Variants in DOK4 observed in about 807,000 individuals in gnomAD.
DOK4 encodes the protein downstream of tyrosine kinase 4.
Under a neutral mutation model 40.1 loss-of-function variants are expected in DOK4, and 26 were observed. The observed-to-expected ratio is 0.65, with a 90% CI of 0.48 to 0.90. DOK4 has a LOEUF of 0.90. DOK4 is among the 40% of genes least tolerant of loss of function. DOK4 has a pLI of 0.00. For missense variants in DOK4, 392 were observed against 437.2 expected (o/e 0.90, Z 0.92); for synonymous variants, 179 against 177.0 (o/e 1.01, Z -0.09).
chr16:57,477,311 T>C (rs748386935), intron 2 of DOK4, among the ~76,000 whole-genome samples: 11 of 152,210 alleles, frequency 7.2e-5, no homozygotes, highest in Non-Finnish European at 1.2e-4. Flanking sequence ...CCCCTGACCC[T>C]GGCTTGGCCC....
At chr16:57,474,037 A>G in exon 7 of DOK4, 2 of 1,614,004 alleles carry the variant, frequency 1.2e-6, no homozygotes, top group Non-Finnish European at 1.7e-6. Flanking sequence ...AGCATCACAC[A>G]TCCTGGGGAC....
chr16:57,481,284 C>A (rs1036885717), intron 1 of DOK4, among the ~76,000 whole-genome samples: 3 of 152,192 alleles, frequency 2.0e-5, no homozygotes, highest in Non-Finnish European at 4.4e-5. Context: ...GACGGTAATG[C>A]GCCCCTATCC....
exon 9 of DOK4, chr16:57,473,117 C>A: frequency 2.0e-6 from 1 of 490,922 alleles, no homozygotes; most frequent in Admixed American, 3.6e-5. Flanking sequence ...CTCATTGATA[C>A]AGAGTATGTC....
chr16:57,482,363 G>GTTTTTTT (rs11390639), intron 1 of DOK4, among the ~76,000 whole-genome samples: 75 of 93,006 alleles, frequency 8.1e-4, no homozygotes, highest in Non-Finnish European at 1.1e-3. Context: ...TGGGGCTTTT[G>GTTTTTTT]TTTTTTTTTT....
At chr16:57,472,468 T>C (rs1247386958) in exon 9 of DOK4, 2 of 152,564 alleles carry the variant, frequency 1.3e-5, no homozygotes, top group Non-Finnish European at 2.9e-5. Context: ...GGTTTCAGAG[T>C]GCTTTTGGCT....
At position 57,479,514 on chromosome 16, in the gene DOK4, C is replaced by T; in HGVS notation, c.-7G>A. 1 of 1,613,398 alleles carries T rather than the reference C, an allele frequency of 6.2e-7. No individual in the cohort carries two copies. Among genetic ancestry groups the T allele is most frequent in the Non-Finnish European group, 8.5e-7 (1 of 1,179,814 alleles). ...CACTGAAATTGGTCGCCATGGTTTT[C>T]CCACCTTTTAGGGGCGCGGGGCCTG... On this transcript the variant is annotated 5_prime_UTR_variant, in exon 2 of 9. Transcript: ENST00000340099. This position sits in a 1 kb window ranked among gnomAD's most constrained non-coding sequence, Gnocchi z 5.8.
At chr16:57,473,985 C>G (rs956989713) in exon 7 of DOK4, 1 of 1,614,098 alleles carries the variant, frequency 6.2e-7, no homozygotes, top group Non-Finnish European at 8.5e-7. Flanking sequence ...GCTGGTAAAT[C>G]TGCTCCCCCT....
chr16:57,482,134 G>A (rs1235803468), intron 1 of DOK4, among the ~76,000 whole-genome samples: 22 of 151,754 alleles, frequency 1.4e-4, no homozygotes, highest in Non-Finnish European at 2.9e-5. Flanking sequence ...AAAGTGCTGG[G>A]ATTACAGGCG....
chr16:57,474,793 C>A, exon 6 of DOK4: 1 of 1,613,394 alleles, frequency 6.2e-7, no homozygotes, highest in Non-Finnish European at 8.5e-7. Context: ...AGGGTCCTAC[C>A]GGCCAGCCTC....
At chr16:57,480,378 G>C (rs1172293920) in intron 1 of DOK4, 1 of 152,244 alleles carries the variant, frequency 6.6e-6, no homozygotes, top group African/African-American at 2.4e-5. Flanking sequence ...TCTTCCGCAC[G>C]CAGCTCTGGG....
exon 9 of DOK4, chr16:57,473,417 C>CTGGGCT (rs1158921288): frequency 3.5e-5 from 56 of 1,614,068 alleles, no homozygotes; most frequent in Non-Finnish European, 4.7e-5. Flanking sequence ...GTCCCCCTGG[C>CTGGGCT]TGGGCTTTGG....
At chr16:57,486,211 G>T (rs1425990123) in intron 1 of DOK4, 94 bp downstream of exon 1, 1 of 152,166 alleles carries the variant, frequency 6.6e-6, no homozygotes, top group African/African-American at 2.4e-5. Context: ...GGTTCAGGAA[G>T]TGACTGAGGG....
rs1771299372 is a variant in DOK4 at position 57,485,444 on chromosome 16, C to T, written c.-182+861G>A. 6.6e-6 allele frequency among the ~76,000 whole-genome samples: 1 copy of T among 152,180 alleles called. No individual in the cohort carries two copies. The highest frequency in any genetic ancestry group is 2.4e-5 in the African/African-American group (1 of 41,442). ...GAAGAGCCTGTACCAGCGCCACATC[C>T]CTCTGAAAGGGTCCAGGAAAGAACC... On this transcript the variant is annotated intron_variant, in intron 1 of 8. Transcript: ENST00000340099. The surrounding 1 kb of genome is among the most constrained non-coding windows in gnomAD (Gnocchi z 4.3).
chr16:57,476,079 G>T, intron 2 of DOK4, 122 bp from the exon 3 acceptor site: 1 of 791,456 alleles, frequency 1.3e-6, no homozygotes, highest in Non-Finnish European at 2.1e-6. Flanking sequence ...TGGAGCCCCA[G>T]CCTGGGGACA....
At chr16:57,477,832 C>T (rs933401350) in intron 2 of DOK4, among the ~76,000 whole-genome samples, 3 of 152,310 alleles carry the variant, frequency 2.0e-5, no homozygotes, top group Middle Eastern at 3.4e-3. Flanking sequence ...GCCTCTCACA[C>T]CAGGGGAAGT....
intron 1 of DOK4, among the ~76,000 whole-genome samples, chr16:57,483,230 AG>A (rs1211001555): frequency 5.3e-5 from 8 of 151,754 alleles, no homozygotes; most frequent in Non-Finnish European, 7.4e-5. Context: ...TCAAGTGGTG[AG>A]GGGGGGGCCC....
chr16:57,475,415 C>G, intron 4 of DOK4, 91 bp downstream of exon 4: 3 of 1,400,650 alleles, frequency 2.1e-6, no homozygotes, highest in Non-Finnish European at 2.9e-6. Flanking sequence ...CATCTCCACC[C>G]AGGGTTAGCC....
exon 5 of DOK4, chr16:57,475,120 C>G (rs1206973370): frequency 6.2e-7 from 1 of 1,613,956 alleles, no homozygotes; most frequent in Non-Finnish European, 8.5e-7. Context: ...ACACTGCACC[C>G]CTGGGGCCAG....
intron 6 of DOK4, 23 bp downstream of exon 6, chr16:57,474,770 G>C: frequency 6.2e-7 from 1 of 1,610,170 alleles, no homozygotes; most frequent in Non-Finnish European, 8.5e-7. Flanking sequence ...GTAGGACAGG[G>C]CTGGGAGGCG....
Sources: allele counts gnomAD v4.1 joint callset (sites outside exome capture counted in the v4.1 genomes callset), GRCh38; gene constraint gnomAD v4.1.1; non-coding constraint Gnocchi (gnomAD v3.1); transcripts MANE v1.5; gene names NCBI Gene and HGNC (gene_info 2026-07-23, HGNC 2026-07-21).